PEAK1: variants seen among roughly 807,000 people sequenced by gnomAD.
PEAK1 encodes inactive tyrosine-protein kinase PEAK1.
A neutral mutation model predicts 124.7 loss-of-function variants in PEAK1; 54 were observed. That is an observed-to-expected ratio of 0.43 (90% CI 0.35 to 0.54). The LOEUF is 0.54. PEAK1 is among the 20% of genes least tolerant of loss of function. PEAK1 has a pLI of 0.01. For missense variants in PEAK1, 2,046 were observed against 2,134.5 expected, an observed-to-expected ratio of 0.96 and a Z score of 0.82; for synonymous variants, 719 against 760.0, an observed-to-expected ratio of 0.95 and a Z score of 0.89.
intron 5 of PEAK1, among the ~76,000 whole-genome samples, chr15:77,258,861 T>A (rs2061300256): frequency 6.6e-6 from 1 of 152,176 alleles, no homozygotes; most frequent in Non-Finnish European, 1.5e-5. Flanking sequence ...TGGCTGTGGG[T>A]TTGTCATAGA....
At chr15:77,230,699 C>T (rs575959426) in intron 6 of PEAK1, among the ~76,000 whole-genome samples, 1 of 152,152 alleles carries the variant, frequency 6.6e-6, no homozygotes, top group South Asian at 2.1e-4. Context: ...GAGTTTGAGA[C>T]CAGCCTGGGC....
At chr15:77,263,614 T>A (rs1246087645) in intron 5 of PEAK1, among the ~76,000 whole-genome samples, 2 of 152,094 alleles carry the variant, frequency 1.3e-5, no homozygotes, top group African/African-American at 2.4e-5. Context: ...CAATAATTAA[T>A]AGCTTACTAA....
intron 6 of PEAK1, among the ~76,000 whole-genome samples, chr15:77,246,377 G>T (rs2060589206): frequency 6.6e-6 from 1 of 151,640 alleles, no homozygotes; most frequent in Admixed American, 6.6e-5. Flanking sequence ...TCTTAATATT[G>T]ACTAAGCATG....
chr15:77,312,466 C>G (rs147805689), intron 2 of PEAK1, among the ~76,000 whole-genome samples: 278 of 152,318 alleles, frequency 1.8e-3, no homozygotes, highest in Non-Finnish European at 3.1e-3. Flanking sequence ...AATAACAATT[C>G]TGCCAACCAA....
chr15:77,336,628 T>A, intron 2 of PEAK1: 1 of 760,010 alleles, frequency 1.3e-6, no homozygotes, highest in Non-Finnish European at 1.6e-6. Flanking sequence ...CTGGTGAACT[T>A]AATAATGGAC....
intron 3 of PEAK1, 26 bp from the exon 4 acceptor site, chr15:77,285,081 CAAA>C (rs61149018): frequency 8.9e-5 from 12 of 134,384 alleles, no homozygotes; most frequent in Non-Finnish European, 9.4e-5. Context: ...AGACTCGTCT[CAAA>C]AAAAAAAAAA....
exon 7 of PEAK1, chr15:77,102,406 A>G (rs2050703100): frequency 1.3e-5 from 2 of 152,206 alleles, no homozygotes; most frequent in African/African-American, 4.8e-5. Flanking sequence ...ACCTTTAGTC[A>G]AACCTATTGA....
intron 7 of PEAK1, among the ~76,000 whole-genome samples, chr15:77,162,100 C>T (rs553473507): frequency 4.0e-5 from 6 of 151,536 alleles, no homozygotes; most frequent in Admixed American, 6.6e-5. Flanking sequence ...AAGGTTGATT[C>T]AGTCACTAAA....
chr15:77,239,859 T>C, intron 6 of PEAK1: 3 of 984,748 alleles, frequency 3.0e-6, no homozygotes, highest in Non-Finnish European at 3.6e-6. Flanking sequence ...AACTGCTCAA[T>C]TCCACATTTC....
At chr15:77,260,186 G>A (rs545453027) in intron 5 of PEAK1, among the ~76,000 whole-genome samples, 6 of 152,188 alleles carry the variant, frequency 3.9e-5, no homozygotes, top group African/African-American at 1.4e-4. Context: ...ACTGAGTGAG[G>A]GGCCCTAGAA....
At chr15:77,193,538 C>T (rs997818740) in intron 6 of PEAK1, among the ~76,000 whole-genome samples, 1 of 152,186 alleles carries the variant, frequency 6.6e-6, no homozygotes, top group African/African-American at 2.4e-5. Flanking sequence ...AATGTCCTTT[C>T]CGCAATTACC....
chr15:77,262,448 G>A (rs537125281), intron 5 of PEAK1, among the ~76,000 whole-genome samples: 5 of 151,094 alleles, frequency 3.3e-5, no homozygotes, highest in African/African-American at 1.2e-4. Flanking sequence ...AAAAAGGCAG[G>A]GGTTGCAATC....
intron 2 of PEAK1, among the ~76,000 whole-genome samples, chr15:77,328,704 T>C (rs2065722275): frequency 6.6e-6 from 1 of 152,134 alleles, no homozygotes; most frequent in Admixed American, 6.6e-5. Flanking sequence ...AAAGTCTATT[T>C]TTCTTTCCAC....
rs199984485 is a variant in PEAK1 at position 77,133,025 on chromosome 15, G to C, written c.4057C>G (p.Leu1353Val). ...YYTASYAKDP[L>V]NNYAVKICKS... The stretch of plus-strand genomic sequence containing the variant: ...CTTACCTTGACTGCATAGTTATTAA[G>C]TGGATCTTTTGCATATGAAGCAGTA... The change falls in exon 9 of 10, where the codon CTT (leucine) becomes GTT (valine). Residue 1353 changes from leucine (L) to valine (V), a missense_variant. Leu to Val is a conservative substitution (Grantham distance 32). Coordinates refer to ENST00000682557, the MANE Select transcript of PEAK1 (RefSeq NM_001385026.1). This position sits in a 1 kb window ranked among gnomAD's most constrained non-coding sequence, Gnocchi z 4.2. The C allele has an allele frequency of 4.3e-6, 7 of 1,610,424 alleles. No homozygotes were observed. Among genetic ancestry groups the C allele is most frequent in the Non-Finnish European group, 4.2e-6 (5 of 1,176,960 alleles).
intron 6 of PEAK1, among the ~76,000 whole-genome samples, chr15:77,248,771 T>C (rs944208453): frequency 2.6e-5 from 4 of 152,210 alleles, no homozygotes; most frequent in African/African-American, 9.6e-5. Context: ...TCATATATAG[T>C]AAGCACTCAG....
At chr15:77,410,910 T>C (rs1055083798) in intron 1 of PEAK1, among the ~76,000 whole-genome samples, 1 of 152,192 alleles carries the variant, frequency 6.6e-6, no homozygotes, top group African/African-American at 2.4e-5. Flanking sequence ...ACTTAAATAA[T>C]TACTAGATAG....
At chr15:77,312,890 G>A (rs1022771632) in intron 2 of PEAK1, among the ~76,000 whole-genome samples, 1 of 152,110 alleles carries the variant, frequency 6.6e-6, no homozygotes, top group African/African-American at 2.4e-5. Flanking sequence ...AGGAAGGGAA[G>A]GACAAGGTAG....
intron 5 of PEAK1, among the ~76,000 whole-genome samples, chr15:77,274,201 T>C (rs2062186248): frequency 6.6e-6 from 1 of 152,126 alleles, no homozygotes; most frequent in African/African-American, 2.4e-5. Flanking sequence ...AAAAGCCTTC[T>C]AGACACTGGC....
At chr15:77,248,900 C>G (rs796760848) in intron 6 of PEAK1, among the ~76,000 whole-genome samples, 38 of 152,262 alleles carry the variant, frequency 2.5e-4, no homozygotes, top group African/African-American at 8.7e-4. Flanking sequence ...TCTCGGCTCA[C>G]CGCAGCCTCT....
Sources: allele counts gnomAD v4.1 joint callset (sites outside exome capture counted in the v4.1 genomes callset), GRCh38; gene constraint gnomAD v4.1.1; non-coding constraint Gnocchi (gnomAD v3.1); transcripts MANE v1.5; gene names NCBI Gene and HGNC (gene_info 2026-07-23, HGNC 2026-07-21).